APOOL: variants seen among roughly 807,000 people sequenced by gnomAD.
The protein encoded by APOOL is MICOS complex subunit MIC27.
A neutral mutation model predicts 23.1 loss-of-function variants in APOOL; 12 were observed. The ratio of observed to expected loss-of-function variants is 0.52; its 90% CI spans 0.33 to 0.84. The LOEUF (loss-of-function observed/expected upper bound fraction) is 0.84, where lower values mean the gene tolerates loss of function less well. Ranked by LOEUF, APOOL falls within the 40% of genes least tolerant of loss-of-function variation. The pLI, the probability that APOOL is intolerant of heterozygous loss-of-function variation, is 0.02. For missense variants in APOOL, 212 were observed against 199.6 expected (o/e 1.06, Z -0.37); for synonymous variants, 77 against 69.9 (o/e 1.10, Z -0.51).
chrX:85,046,029 T>A (rs1922560902), intron 1 of APOOL, among the ~76,000 whole-genome samples: 1 of 111,171 alleles, frequency 9.0e-6, no homozygotes, highest in Admixed American at 9.7e-5. Context: ...AACAGGAATC[T>A]TTGTTTTGTT....
chrX:85,036,271 C>G (rs138016978), intron 1 of APOOL, among the ~76,000 whole-genome samples: 1 of 111,724 alleles, frequency 9.0e-6, no homozygotes, highest in Admixed American at 9.5e-5. Context: ...TAAGTTGGCT[C>G]TCTACCTGGA....
intron 1 of APOOL, among the ~76,000 whole-genome samples, chrX:85,018,406 T>C (rs981675416): frequency 2.7e-5 from 3 of 111,187 alleles, no homozygotes; most frequent in African/African-American, 3.3e-5. Flanking sequence ...TCACTCACTA[T>C]TATGAGGACA....
intron 5 of APOOL, among the ~76,000 whole-genome samples, chrX:85,065,588 A>G (rs1923429266): frequency 9.0e-6 from 1 of 111,100 alleles, no homozygotes; most frequent in African/African-American, 3.3e-5. Context: ...TTTGCTTGTC[A>G]GGATGCATTT....
At chrX:85,065,393 G>A (rs1190018518) in intron 5 of APOOL, among the ~76,000 whole-genome samples, 2 of 111,477 alleles carry the variant, frequency 1.8e-5, no homozygotes, top group African/African-American at 3.3e-5. Context: ...GGTTAATATT[G>A]TTATGTGTGA....
Position 85,086,098 on chromosome X carries a change from A to G in APOOL, c.719-1492A>G, listed in dbSNP as rs368042251. On this transcript the variant is annotated intron_variant, in intron 8 of 8. Transcript: ENST00000373173. ...TTGCTGGGGACACAGGAAGCTTGTC[A>G]AGATCACCAGTGATCCACACATTGC... Among the ~76,000 whole-genome samples the G allele has an allele frequency of 7.1e-5, 8 of 112,137 alleles. No individual in the cohort carries two copies. In the South Asian group the frequency reaches 2.6e-3, roughly 37 times the overall value.
intron 6 of APOOL, among the ~76,000 whole-genome samples, chrX:85,072,766 T>G (rs966121724): frequency 2.1e-4 from 23 of 111,922 alleles, no homozygotes; most frequent in Non-Finnish European, 4.3e-4. Flanking sequence ...CTGTCAAGCT[T>G]TTAAAAAAAT....
chrX:85,012,794 C>G (rs897001224), intron 1 of APOOL, among the ~76,000 whole-genome samples: 4 of 111,327 alleles, frequency 3.6e-5, no homozygotes, highest in Non-Finnish European at 7.6e-5. Flanking sequence ...GGATATTGGT[C>G]TGTAGTTTTC....
chrX:85,085,733 C>G (rs1924267462), intron 8 of APOOL, among the ~76,000 whole-genome samples: 1 of 112,020 alleles, frequency 8.9e-6, no homozygotes, highest in Non-Finnish European at 1.9e-5. Context: ...AGTATTATGT[C>G]ACAAAGTAAA....
intron 1 of APOOL, among the ~76,000 whole-genome samples, chrX:85,017,258 G>A (rs940512922): frequency 1.3e-4 from 14 of 111,306 alleles, no homozygotes; most frequent in Admixed American, 2.9e-4. Context: ...TGCCTCTGCT[G>A]TGCAGTATAG....
At chrX:85,068,764 G>A (rs895860215) in intron 6 of APOOL, among the ~76,000 whole-genome samples, 1 of 110,893 alleles carries the variant, frequency 9.0e-6, no homozygotes, top group African/African-American at 3.3e-5. Context: ...AATTATACCT[G>A]CTTATCTTTA....
intron 8 of APOOL, among the ~76,000 whole-genome samples, chrX:85,079,526 A>C (rs774234491): frequency 9.0e-6 from 1 of 111,071 alleles, no homozygotes; most frequent in African/African-American, 3.3e-5. Context: ...ATCGATGTTC[A>C]TCAGGAATAT....
At chrX:85,066,986 C>CTTGA in intron 5 of APOOL, 141 bp from the exon 6 acceptor site, 1 of 379,866 alleles carries the variant, frequency 2.6e-6, no homozygotes, top group East Asian at 3.9e-5. Context: ...TAGCTTCCAT[C>CTTGA]TTGATTGGTA....
rs773561215 is a variant in APOOL at position 85,043,643 on chromosome X, A to G, written c.16-2803A>G. Among the ~76,000 whole-genome samples the G allele has an allele frequency of 2.7e-5, 3 of 111,804 alleles. No homozygotes were observed. The East Asian group carries it at 8.4e-4, about 31-fold the overall frequency. On this transcript the variant is annotated intron_variant, in intron 1 of 8. Coordinates refer to ENST00000373173, the MANE Select transcript of APOOL (RefSeq NM_198450.6). ...AGCTTTCCCTCTTTAAGATAGTGAC[A>G]TGTACTTCACCAGTATAACTTAGAC...
At chrX:85,056,555 C>T (rs897389005) in intron 5 of APOOL, among the ~76,000 whole-genome samples, 5 of 110,574 alleles carry the variant, frequency 4.5e-5, no homozygotes, top group African/African-American at 1.6e-4. Flanking sequence ...ACCAGCCTGA[C>T]CAACATGGAG....
At chrX:85,046,106 G>A (rs1010415254) in intron 1 of APOOL, among the ~76,000 whole-genome samples, 11 of 111,130 alleles carry the variant, frequency 9.9e-5, no homozygotes, top group Non-Finnish European at 1.1e-4. Context: ...GATGTTTGTG[G>A]ACTGAATGAA....
rs1034311789 is a variant in APOOL, at chrX:85,092,625, T to A, written c.*4947T>A. 8.9e-6 allele frequency: 9 copies of A among 1,014,956 alleles called. No homozygotes were observed. The highest frequency in any genetic ancestry group is 9.5e-6 in the Non-Finnish European group (7 of 739,231). 83.6% of individuals were successfully genotyped at this position (1,014,956 alleles called of 1,213,427 possible). ...AAAGTATAATCTTCGTTAACACATA[T>A]ATTTTATTGAAGGTCTACTCTATGC... On this transcript the variant is annotated 3_prime_UTR_variant, in exon 9 of 9. Coordinates refer to ENST00000373173, the MANE Select transcript of APOOL (RefSeq NM_198450.6).
chrX:85,037,119 G>A (rs1922242549), intron 1 of APOOL, among the ~76,000 whole-genome samples: 1 of 111,483 alleles, frequency 9.0e-6, no homozygotes, highest in Non-Finnish European at 1.9e-5. Context: ...TTGGATGATG[G>A]TTATTTTGGT....
chrX:85,053,389 C>T (rs1922846379), intron 3 of APOOL, among the ~76,000 whole-genome samples: 2 of 111,885 alleles, frequency 1.8e-5, no homozygotes, highest in South Asian at 7.4e-4. Context: ...TGAACCTCTG[C>T]ATCTCTCTGA....
chrX:85,038,283 A>T (rs1041162672), intron 1 of APOOL, among the ~76,000 whole-genome samples: 2 of 110,760 alleles, frequency 1.8e-5, no homozygotes, highest in Non-Finnish European at 3.8e-5. Context: ...ATGTTTTCCT[A>T]GATTTGGCTT....
Sources: allele counts gnomAD v4.1 joint callset (sites outside exome capture counted in the v4.1 genomes callset), GRCh38; gene constraint gnomAD v4.1.1; transcripts MANE v1.5; gene names NCBI Gene and HGNC (gene_info 2026-07-23, HGNC 2026-07-21).